TMEM63C: variants seen among roughly 807,000 people sequenced by gnomAD.
The protein encoded by TMEM63C is osmosensitive cation channel TMEM63C.
A neutral mutation model predicts 99.2 loss-of-function variants in TMEM63C; 32 were observed. The observed-to-expected ratio is 0.32, with a 90% confidence interval of 0.24 to 0.43. The LOEUF (loss-of-function observed/expected upper bound fraction) is 0.43, where lower values mean the gene tolerates loss of function less well. Among genes scored for constraint, TMEM63C ranks in the 20% least tolerant of loss-of-function variants. The pLI is 1.00. For synonymous variants in TMEM63C, 376 were observed against 397.9 expected (o/e 0.94, Z 0.66); for missense variants, 826 against 1,053.0 (o/e 0.78, Z 2.98).
chr14:77,217,980 G>T (rs1474451743), intron 2 of TMEM63C, among the ~76,000 whole-genome samples: 1 of 152,016 alleles, frequency 6.6e-6, no homozygotes, highest in Non-Finnish European at 1.5e-5. Context: ...TGCTTAATAT[G>T]TACAAAAAAC....
intron 23 of TMEM63C, among the ~76,000 whole-genome samples, chr14:77,253,698 G>A (rs1387835012): frequency 6.6e-6 from 1 of 152,236 alleles, no homozygotes; most frequent in Non-Finnish European, 1.5e-5. Flanking sequence ...GGCCTGCTGA[G>A]GATTGGCCTC....
chr14:77,191,638 A>G (rs1039714777), intron 1 of TMEM63C, among the ~76,000 whole-genome samples: 1 of 138,646 alleles, frequency 7.2e-6, no homozygotes, highest in African/African-American at 2.7e-5. Context: ...TCCACCTCCT[A>G]GATTCAAGCA....
intron 2 of TMEM63C, among the ~76,000 whole-genome samples, chr14:77,216,548 C>T (rs1006039323): frequency 4.6e-5 from 7 of 152,110 alleles, no homozygotes; most frequent in African/African-American, 1.7e-4. Flanking sequence ...CACCCTTGCA[C>T]GCACTCCCCC....
chr14:77,225,518 A>T, intron 6 of TMEM63C, 57 bp downstream of exon 6: 1 of 1,593,908 alleles, frequency 6.3e-7, no homozygotes, highest in South Asian at 1.1e-5. Context: ...TGGGGGGTGG[A>T]GGCTCCTGGA....
intron 6 of TMEM63C, among the ~76,000 whole-genome samples, chr14:77,229,633 G>T (rs28735199): frequency 0.34 from 41,374 of 122,200 alleles, 7,598 homozygotes; most frequent in East Asian, 0.64. Flanking sequence ...TATATATATA[G>T]TAGAGATGGG....
chr14:77,251,739 G>A, intron 21 of TMEM63C, 50 bp from the exon 22 acceptor site: 1 of 1,476,382 alleles, frequency 6.8e-7, no homozygotes, highest in Non-Finnish European at 9.5e-7. Context: ...AGTTGGGGTG[G>A]CATCTCGGCT....
At chr14:77,248,712 T>G (rs1057335996) in intron 19 of TMEM63C, 55 bp from the exon 20 acceptor site, 1 of 1,556,678 alleles carries the variant, frequency 6.4e-7, no homozygotes, top group Non-Finnish European at 8.9e-7. Flanking sequence ...GCCACAGAAG[T>G]AGTCAAGCCA....
intron 1 of TMEM63C, among the ~76,000 whole-genome samples, chr14:77,198,059 C>A (rs189284612): frequency 8.7e-4 from 133 of 152,348 alleles, no homozygotes; most frequent in Admixed American, 1.4e-3. Flanking sequence ...ATTTTGAGCT[C>A]CAGCCTTGGT....
rs570425790 is a variant in TMEM63C, at chr14:77,224,570, C to T, written c.313-854C>T. ...TTTTAGAGCTGCAGGCCCCAGCCCCCTCTCTTACACACCGTTCCAAAGATG... is the reference window on the plus strand; with the variant it reads ...TTTTAGAGCTGCAGGCCCCAGCCCCTTCTCTTACACACCGTTCCAAAGATG... On this transcript the variant is annotated intron_variant, in intron 5 of 23. Coordinates refer to ENST00000298351, the MANE Select transcript of TMEM63C (RefSeq NM_020431.4). Among the ~76,000 whole-genome samples, 6 of 152,282 alleles carry T rather than the reference C, an allele frequency of 3.9e-5. No individual in the cohort carries two copies. In the South Asian group the frequency reaches 1.2e-3, roughly 32 times the overall value.
At chr14:77,237,305 C>A (rs1345023588) in intron 9 of TMEM63C, among the ~76,000 whole-genome samples, 1 of 152,140 alleles carries the variant, frequency 6.6e-6, no homozygotes, top group Admixed American at 6.5e-5. Context: ...GTGCCTCGCC[C>A]TTCTGCAGTC....
rs201429906 is a variant in TMEM63C at position 77,256,751 on chromosome 14, G to C, written c.*25G>C. ...ACCGGGACCTGAGGCCTCCACTGGCGACTTGTTGAGGGGTCAGGGGAGGGC... is the reference window on the plus strand; with the variant it reads ...ACCGGGACCTGAGGCCTCCACTGGCCACTTGTTGAGGGGTCAGGGGAGGGC... On this transcript the variant is annotated 3_prime_UTR_variant, in exon 24 of 24. Transcript: ENST00000298351. The C allele has an allele frequency of 1.2e-6, 2 of 1,609,138 alleles. No homozygotes were observed. The highest frequency in any genetic ancestry group is 1.7e-5 in the Admixed American group (1 of 59,836).
chr14:77,233,349 C>A, intron 7 of TMEM63C, 103 bp from the exon 8 acceptor site: 2 of 1,214,648 alleles, frequency 1.6e-6, no homozygotes, highest in South Asian at 1.3e-5. Context: ...AGGTCAAAGG[C>A]AAGCATCTCC....
chr14:77,219,418 C>A (rs1888649472), intron 3 of TMEM63C, 80 bp from the exon 4 acceptor site: 1 of 1,478,174 alleles, frequency 6.8e-7, no homozygotes, highest in East Asian at 2.3e-5. Context: ...CAGGGTCTCC[C>A]CCAAGGGAAT....
At chr14:77,216,845 T>C (rs904531476) in intron 2 of TMEM63C, among the ~76,000 whole-genome samples, 9 of 152,246 alleles carry the variant, frequency 5.9e-5, no homozygotes, top group African/African-American at 2.2e-4. Context: ...TCTCCACTTG[T>C]TCACCCCTCC....
chr14:77,188,873 CAACCTCAATA>C (rs1888051750), intron 1 of TMEM63C, among the ~76,000 whole-genome samples: 1 of 151,970 alleles, frequency 6.6e-6, no homozygotes, highest in African/African-American at 2.4e-5. Flanking sequence ...AGACAGACCT[CAACCTCAATA>C]TCTGCAAGAA....
rs553976154 is a variant in TMEM63C at position 77,214,780 on chromosome 14, G to A, written c.-14+1272G>A. Reference sequence around the variant, plus strand: ...CGCTCGCTCCCACGGTCATGTCCTAGACCCGATCACCACCGATAGCCGGAA... The same window carrying A: ...CGCTCGCTCCCACGGTCATGTCCTAAACCCGATCACCACCGATAGCCGGAA... On this transcript the variant is annotated intron_variant, in intron 2 of 23. Coordinates refer to ENST00000298351, the MANE Select transcript of TMEM63C (RefSeq NM_020431.4). Among the ~76,000 whole-genome samples, 8 of 151,858 alleles carry A rather than the reference G, an allele frequency of 5.3e-5. No homozygotes were observed. In the South Asian group the frequency reaches 1.7e-3, roughly 32 times the overall value.
At chr14:77,202,458 A>G (rs997525320) in intron 1 of TMEM63C, among the ~76,000 whole-genome samples, 1 of 152,166 alleles carries the variant, frequency 6.6e-6, no homozygotes, top group African/African-American at 2.4e-5. Flanking sequence ...TGGAGGCCAG[A>G]AGTCTGAAAT....
At chr14:77,211,055 C>T (rs976475851) in intron 1 of TMEM63C, among the ~76,000 whole-genome samples, 1 of 152,152 alleles carries the variant, frequency 6.6e-6, no homozygotes, top group Admixed American at 6.5e-5. Context: ...GAAATGCAGG[C>T]GTAGTGGCTG....
chr14:77,247,613 A>G (rs1030038347), intron 18 of TMEM63C, among the ~76,000 whole-genome samples: 7 of 152,252 alleles, frequency 4.6e-5, no homozygotes, highest in Non-Finnish European at 8.8e-5. Context: ...AGGGGGGATC[A>G]TTGACAAAGC....
Sources: allele counts gnomAD v4.1 joint callset (sites outside exome capture counted in the v4.1 genomes callset), GRCh38; gene constraint gnomAD v4.1.1; transcripts MANE v1.5; gene names NCBI Gene and HGNC (gene_info 2026-07-23, HGNC 2026-07-21).